NRG1: variants seen among roughly 807,000 people sequenced by gnomAD.
NRG1 encodes pro-neuregulin-1, membrane-bound isoform.
NRG1 carries 18 observed loss-of-function variants against 63.8 expected under a neutral mutation model. That is an observed-to-expected ratio of 0.28 (90% CI 0.19 to 0.42). The LOEUF is 0.42. NRG1 is among the 10% of genes least tolerant of loss of function. The pLI is 1.00. For synonymous variants in NRG1, 302 were observed against 301.3 expected (o/e 1.00, Z -0.02); for missense variants, 762 against 814.7 (o/e 0.94, Z 0.79).
chr8:32,511,936 T>C (rs1829270939), intron 1 of NRG1, among the ~76,000 whole-genome samples: 2 of 151,752 alleles, frequency 1.3e-5, no homozygotes, highest in African/African-American at 4.8e-5. Context: ...ACCAGTGGGG[T>C]AGAATTAAGG....
At chr8:32,543,532 G>A (rs1029790231), upstream of NRG1, among the ~76,000 whole-genome samples, 2 of 151,972 alleles carry the variant, frequency 1.3e-5, no homozygotes, top group African/African-American at 2.4e-5. Flanking sequence ...TATGACGTTG[G>A]CCCTGTTTAT....
At chr8:32,659,677 C>T (rs1403572584) in intron 5 of NRG1, among the ~76,000 whole-genome samples, 7 of 152,274 alleles carry the variant, frequency 4.6e-5, no homozygotes, top group African/African-American at 7.2e-5. Context: ...ATTGAAGACA[C>T]GCCTGCAGCA....
At chr8:32,693,210 C>A (rs1483404851) in intron 5 of NRG1, among the ~76,000 whole-genome samples, 1 of 150,504 alleles carries the variant, frequency 6.6e-6, no homozygotes, top group East Asian at 2.0e-4. Context: ...CTCTATGGGT[C>A]ACTCTTTTTT....
At chr8:32,445,069 T>C (rs2347486) in intron 1 of NRG1, among the ~76,000 whole-genome samples, 117,403 of 152,056 alleles carry the variant, frequency 0.77, 45,530 homozygotes, top group East Asian at 0.89. Context: ...CTGAGGGCGA[T>C]ACACTATAGT....
chr8:32,407,319 T>TTA (rs1554531052), intron 1 of NRG1, among the ~76,000 whole-genome samples: 8 of 3,654 alleles, frequency 2.2e-3, no homozygotes, highest in Admixed American at 7.3e-3. Flanking sequence ...TATATATATA[T>TTA]TATATATATA....
At chr8:32,095,122 G>A (rs1367170042) in intron 1 of NRG1, among the ~76,000 whole-genome samples, 1 of 152,058 alleles carries the variant, frequency 6.6e-6, no homozygotes, top group African/African-American at 2.4e-5. Context: ...ATGTTGGCCA[G>A]GATGGTCTTA....
intron 1 of NRG1, among the ~76,000 whole-genome samples, chr8:32,069,590 A>G (rs1825436860): frequency 6.6e-6 from 1 of 152,160 alleles, no homozygotes; most frequent in African/African-American, 2.4e-5. Flanking sequence ...GAGACTCTAA[A>G]TGGTGCTAGT....
At chr8:32,624,233 C>T (rs530793281) in intron 5 of NRG1, among the ~76,000 whole-genome samples, 2 of 152,300 alleles carry the variant, frequency 1.3e-5, no homozygotes, top group Admixed American at 6.5e-5. Flanking sequence ...GCCCTGATTG[C>T]ATCATGTCTG....
At chr8:32,209,007 G>T (rs935307253) in intron 1 of NRG1, among the ~76,000 whole-genome samples, 1 of 152,116 alleles carries the variant, frequency 6.6e-6, no homozygotes, top group Non-Finnish European at 1.5e-5. Flanking sequence ...AAGATCATGG[G>T]CTTTTCAATG....
intron 1 of NRG1, among the ~76,000 whole-genome samples, chr8:32,461,467 G>C (rs1822300352): frequency 6.6e-6 from 1 of 152,126 alleles, no homozygotes; most frequent in East Asian, 1.9e-4. Flanking sequence ...GGGAGGCCGA[G>C]GTGAGTGGAT....
At chr8:32,291,965 A>G (rs1331278971) in intron 1 of NRG1, among the ~76,000 whole-genome samples, 1 of 152,222 alleles carries the variant, frequency 6.6e-6, no homozygotes, top group Admixed American at 6.5e-5. Flanking sequence ...ATACCTTCTC[A>G]GAGAAAGGCC....
chr8:31,991,309 CTCT>C (rs879443470), intron 1 of NRG1, among the ~76,000 whole-genome samples: 14 of 151,240 alleles, frequency 9.3e-5, no homozygotes, highest in South Asian at 4.2e-4. Context: ...CTTCTTCCTC[CTCT>C]TCTTCTTCTT....
intron 1 of NRG1, among the ~76,000 whole-genome samples, chr8:32,279,348 G>GT (rs1375760742): frequency 6.6e-6 from 1 of 152,058 alleles, no homozygotes; most frequent in African/African-American, 2.4e-5. Flanking sequence ...TCAAAAAGTT[G>GT]TTTTTTTGTT....
At chr8:31,990,644 A>G (rs536364169) in intron 1 of NRG1, among the ~76,000 whole-genome samples, 3 of 152,248 alleles carry the variant, frequency 2.0e-5, no homozygotes, top group South Asian at 4.1e-4. Context: ...TGTATCTTCC[A>G]AAAAGTACAT....
chr8:32,079,877 T>G (rs1827178755), intron 1 of NRG1, among the ~76,000 whole-genome samples: 1 of 152,200 alleles, frequency 6.6e-6, no homozygotes, highest in African/African-American at 2.4e-5. Flanking sequence ...TAAGGTCATT[T>G]TTGATGTCTA....
intron 5 of NRG1, chr8:32,648,425 A>G (rs1376192664): frequency 6.3e-7 from 1 of 1,595,924 alleles, no homozygotes; most frequent in Non-Finnish European, 8.6e-7. Context: ...GATGATGAAT[A>G]AAAGGGGTGG....
At chr8:32,594,583 C>G (rs1843045776) in intron 1 of NRG1, among the ~76,000 whole-genome samples, 1 of 152,172 alleles carries the variant, frequency 6.6e-6, no homozygotes, top group Non-Finnish European at 1.5e-5. Flanking sequence ...TGTTTTTCAC[C>G]TTTATGCCTA....
At chr8:32,715,683 G>C (rs1231112753) in intron 5 of NRG1, among the ~76,000 whole-genome samples, 1 of 151,042 alleles carries the variant, frequency 6.6e-6, no homozygotes, top group Non-Finnish European at 1.5e-5. Flanking sequence ...CTGTCGCCCA[G>C]GCTGGAGTGC....
chr8:32,478,533 T>C (rs1379348081), intron 1 of NRG1, among the ~76,000 whole-genome samples: 1 of 152,162 alleles, frequency 6.6e-6, no homozygotes, highest in African/African-American at 2.4e-5. Flanking sequence ...AAAGAAATAC[T>C]CCCCAACGTT....
Sources: allele counts gnomAD v4.1 joint callset (sites outside exome capture counted in the v4.1 genomes callset), GRCh38; gene constraint gnomAD v4.1.1; transcripts MANE v1.5; gene names NCBI Gene and HGNC (gene_info 2026-07-23, HGNC 2026-07-21).